Variants in IREB2 observed in about 807,000 individuals in gnomAD.
The protein encoded by IREB2 is iron-responsive element-binding protein 2.
In IREB2, 39 loss-of-function variants were observed where a neutral mutation model predicts 118.8. The ratio of observed to expected loss-of-function variants is 0.33; its 90% CI spans 0.25 to 0.43. The LOEUF (loss-of-function observed/expected upper bound fraction) is 0.43. Ranked by LOEUF, IREB2 falls within the 20% of genes least tolerant of loss-of-function variation. The probability of loss-of-function intolerance (pLI) is 1.00; values close to 1 mark genes in which losing one functional copy is unlikely to be tolerated. For missense variants in IREB2, 900 were observed against 1,147.3 expected (o/e 0.78, Z 3.11); for synonymous variants, 372 against 392.2 (o/e 0.95, Z 0.61).
intron 2 of IREB2, among the ~76,000 whole-genome samples, chr15:78,460,520 A>C (rs2051179039): frequency 6.6e-6 from 1 of 152,176 alleles, no homozygotes; most frequent in South Asian, 2.1e-4. Context: ...TAGTGTCCCC[A>C]TTAGTCTTTG....
intron 2 of IREB2, among the ~76,000 whole-genome samples, chr15:78,450,870 G>GTGTA (rs1235998457): frequency 3.2e-5 from 4 of 126,214 alleles, no homozygotes; most frequent in Non-Finnish European, 6.9e-5. Context: ...GTGTGTGTGT[G>GTGTA]TGTATTTTAA....
intron 1 of IREB2, among the ~76,000 whole-genome samples, chr15:78,439,448 C>T (rs531037137): frequency 6.6e-6 from 1 of 152,042 alleles, no homozygotes; most frequent in South Asian, 2.1e-4. Context: ...TCTTATTGTC[C>T]CTTTCCAGGT....
Position 78,466,413 on chromosome 15 carries a change from C to T in IREB2, c.553C>T (p.Arg185Ter). Residue 185 changes from arginine to a stop codon, truncating the protein, a stop_gained, in exon 5 of 22, where the codon CGA becomes TGA. Transcript: ENST00000258886. LOFTEE classifies it high-confidence loss of function. ...RGSCDSGELG[R>*]NSGTFSSQIE... ...ATCTTGTGATTCTGGAGAACTAGGC[C>T]GAAACTCAGGAACATTTTCTTCGCA... is the stretch of plus-strand genomic sequence containing the variant. The T allele has an allele frequency of 6.2e-7, 1 of 1,614,078 alleles. No individual in the cohort carries two copies. Among genetic ancestry groups the T allele is most frequent in the Non-Finnish European group, 8.5e-7 (1 of 1,179,986 alleles).
chr15:78,450,677 T>C (rs2051008268), intron 2 of IREB2, among the ~76,000 whole-genome samples: 1 of 152,144 alleles, frequency 6.6e-6, no homozygotes, highest in Non-Finnish European at 1.5e-5. Flanking sequence ...AGCTTACAGA[T>C]GTAGTCCACG....
At chr15:78,473,005 A>G (rs1335342509) in intron 7 of IREB2, among the ~76,000 whole-genome samples, 1 of 152,190 alleles carries the variant, frequency 6.6e-6, no homozygotes, top group Admixed American at 6.5e-5. Flanking sequence ...TAACTTGAAT[A>G]TACTTAAAAC....
At chr15:78,468,149 C>T (rs1458754939) in intron 5 of IREB2, among the ~76,000 whole-genome samples, 1 of 152,080 alleles carries the variant, frequency 6.6e-6, no homozygotes, top group Non-Finnish European at 1.5e-5. Context: ...CTACTGTGCC[C>T]AGCCATATTT....
rs535215960 is a variant in IREB2, at chr15:78,500,864, T to C, written c.*2721T>C. 2 of 152,348 alleles carry C rather than the reference T, an allele frequency of 1.3e-5. No individual in the cohort carries two copies. Among genetic ancestry groups the C allele is most frequent in the South Asian group, 2.1e-4 (1 of 4,834 alleles). 9.4% of individuals were successfully genotyped at this position (152,348 alleles called of 1,614,324 possible). On this transcript the variant is annotated 3_prime_UTR_variant, in exon 22 of 22. Transcript: ENST00000258886. ...ACTAGTATCCCTCTAGCCAGATTGCTTAGTTTTTCGTTGGTAATCAAACAA... is the reference window on the plus strand; with the variant it reads ...ACTAGTATCCCTCTAGCCAGATTGCCTAGTTTTTCGTTGGTAATCAAACAA...
chr15:78,454,989 C>T (rs1738930511), intron 2 of IREB2, among the ~76,000 whole-genome samples: 1 of 152,142 alleles, frequency 6.6e-6, no homozygotes, highest in Non-Finnish European at 1.5e-5. Flanking sequence ...TGTGCCCAGC[C>T]AGTAAAGTTA....
chr15:78,443,028 GA>G (rs1382091764), intron 2 of IREB2, among the ~76,000 whole-genome samples: 2 of 152,130 alleles, frequency 1.3e-5, no homozygotes, highest in African/African-American at 4.8e-5. Flanking sequence ...ACTCATGGGG[GA>G]TATGTTCCAA....
At chr15:78,490,077 A>C (rs1004735669) in intron 16 of IREB2, among the ~76,000 whole-genome samples, 4 of 152,080 alleles carry the variant, frequency 2.6e-5, no homozygotes, top group Non-Finnish European at 5.9e-5. Flanking sequence ...TTGAGGAGCA[A>C]ATTTTTAATC....
chr15:78,466,229 C>G (rs1237565339), intron 4 of IREB2, 42 bp from the exon 5 acceptor site: 1 of 1,364,170 alleles, frequency 7.3e-7, no homozygotes, highest in East Asian at 2.3e-5. Context: ...AATTTGTGTC[C>G]CTTTTAAATG....
chr15:78,495,283 GTAT>G (rs1188158763), intron 20 of IREB2, among the ~76,000 whole-genome samples: 8 of 152,096 alleles, frequency 5.3e-5, no homozygotes, highest in East Asian at 1.9e-4. Context: ...CTAATTATAA[GTAT>G]TATTATGAGT....
intron 6 of IREB2, among the ~76,000 whole-genome samples, chr15:78,471,539 T>G (rs975338157): frequency 7.2e-5 from 11 of 152,238 alleles, no homozygotes; most frequent in African/African-American, 2.7e-4. Flanking sequence ...AACATTTTTA[T>G]TTGACCTAAA....
chr15:78,492,060 A>C (rs985045583), intron 18 of IREB2, among the ~76,000 whole-genome samples: 3 of 152,222 alleles, frequency 2.0e-5, no homozygotes, highest in African/African-American at 7.2e-5. Context: ...CTAAAAATAA[A>C]GACACTCAAA....
In IREB2 at chr15:78,438,294, C is replaced by T. The variant is rs745766339; in HGVS notation, c.-44C>T. On this transcript the variant is annotated 5_prime_UTR_variant, in exon 1 of 22. Transcript: ENST00000258886. ...TTCCCTGCCCGGCCTCCCCCTTCTT[C>T]CCCCGCTGGCCCCCTCCCCGGAGGG... The T allele has an allele frequency of 5.2e-6, 8 of 1,536,346 alleles. No individual in the cohort carries two copies. Among genetic ancestry groups the T allele is most frequent in the South Asian group, 2.4e-5 (2 of 84,620 alleles).
At chr15:78,495,517 A>G (rs1442474017) in intron 20 of IREB2, among the ~76,000 whole-genome samples, 1 of 152,060 alleles carries the variant, frequency 6.6e-6, no homozygotes, top group Non-Finnish European at 1.5e-5. Context: ...GCGATTCTAT[A>G]TGTCATTATC....
At chr15:78,438,468 G>T in intron 1 of IREB2, 112 bp downstream of exon 1, 1 of 1,274,266 alleles carries the variant, frequency 7.8e-7, no homozygotes, top group Non-Finnish European at 1.1e-6. Context: ...CAGGCCCTCG[G>T]GGCTCGGGTT....
At chr15:78,445,838 G>A (rs1338537227) in intron 2 of IREB2, among the ~76,000 whole-genome samples, 1 of 152,190 alleles carries the variant, frequency 6.6e-6, no homozygotes, top group African/African-American at 2.4e-5. Context: ...AGGCTGGAGT[G>A]TAGTGGTTCG....
intron 18 of IREB2, 88 bp from the exon 19 acceptor site, chr15:78,493,819 TAA>T: frequency 8.0e-7 from 1 of 1,244,042 alleles, no homozygotes; most frequent in Non-Finnish European, 1.1e-6. Flanking sequence ...TTTTCTGTGA[TAA>T]AAAAATTTTT....
Sources: allele counts gnomAD v4.1 joint callset (sites outside exome capture counted in the v4.1 genomes callset), GRCh38; gene constraint gnomAD v4.1.1; transcripts MANE v1.5; gene names NCBI Gene and HGNC (gene_info 2026-07-23, HGNC 2026-07-21).